The following SLC4A11 variants were observed in gnomAD, a reference collection of about 807,000 sequenced individuals.
The protein encoded by SLC4A11 is bicarbonate transporter related protein 1.
SLC4A11 carries 74 observed loss-of-function variants against 95.0 expected under a neutral mutation model. The ratio of observed to expected loss-of-function variants is 0.78; its 90% confidence interval spans 0.65 to 0.95. SLC4A11 has a LOEUF of 0.95. Among genes scored for constraint, SLC4A11 ranks in the 40% least tolerant of loss-of-function variants. The pLI is 0.00. For missense variants in SLC4A11, 1,081 were observed against 1,192.4 expected (o/e 0.91, Z 1.38); for synonymous variants, 548 against 519.0 (o/e 1.06, Z -0.76).
Position 3,227,819 on chromosome 20 carries a change from AG to A in SLC4A11, c.2595del (p.Leu866TrpfsTer94), listed in dbSNP as rs1380438984. 6.2e-7 allele frequency: 1 copy of A among 1,613,196 alleles called. No individual in the cohort carries two copies. Among genetic ancestry groups the A allele is most frequent in the East Asian group, 2.2e-5 (1 of 44,870 alleles). ...CTGTGCTCAGCGTCCATGACATCCA[AG>A]TACTTGGCTTCAATGATTCGGGGCA... ...ILLPRIIEAKYLDVMDAEHRP is the reference protein window; with the variant it reads ...ILLPRIIEAKXLDVMDAEHRP On this transcript the variant is annotated frameshift_variant, in exon 20 of 20. Transcript: ENST00000642402. LOFTEE classifies it high-confidence loss of function.
chr20:3,239,212 G>C (rs996785100), upstream of SLC4A11: 24 of 1,330,078 alleles, frequency 1.8e-5, no homozygotes, highest in Admixed American at 3.9e-5. Flanking sequence ...TCGGCGACTC[G>C]GGCGGGCCGG....
rs886056632 is a variant in SLC4A11 at position 3,229,190 on chromosome 20, G to C, written c.1923C>G (p.Ala641=). The C allele has an allele frequency of 1.9e-6, 3 of 1,612,630 alleles. No individual in the cohort carries two copies. The highest frequency in any genetic ancestry group is 1.1e-5 in the South Asian group (1 of 91,074). Residue 641 remains alanine, a synonymous_variant, in exon 16 of 20, where the codon GCC becomes GCG. Transcript: ENST00000642402. ...MAQIQSLSLR[A]VSGAMGLGFL... Reference sequence around the variant, plus strand: ...AGCCGAGGCCCATGGCACCGCTGACGGCCCTCAGGGACAGCGACTGGATCT... The same window carrying C: ...AGCCGAGGCCCATGGCACCGCTGACCGCCCTCAGGGACAGCGACTGGATCT...
In SLC4A11 at chr20:3,234,708, T is replaced by A; in HGVS notation, c.241+34A>T. 1 of 1,613,792 alleles carries A rather than the reference T, an allele frequency of 6.2e-7. No individual in the cohort carries two copies. The highest frequency in any genetic ancestry group is 1.1e-5 in the South Asian group (1 of 91,072). ...AGTCACACCTGCCCAGTCCCGTGCC[T>A]TCCCCCAGTCTGCCCCTGCTGCAGC... On this transcript the variant is annotated intron_variant, in intron 3 of 19. Transcript: ENST00000642402. This position sits in a 1 kb window ranked among gnomAD's most constrained non-coding sequence, Gnocchi z 5.8.
rs915911162 is a variant in SLC4A11 at position 3,234,025 on chromosome 20, G to T, written c.524-23C>A. On this transcript the variant is annotated intron_variant, in intron 5 of 19. Transcript: ENST00000642402. The surrounding 1 kb of genome is among the most constrained non-coding windows in gnomAD (Gnocchi z 5.8). ...GGACTGAGGAAAGAGTGAGGGGGAGGGTGGTGGGTCAACAGCCCCTCCCAA... is the reference window on the plus strand; with the variant it reads ...GGACTGAGGAAAGAGTGAGGGGGAGTGTGGTGGGTCAACAGCCCCTCCCAA... The T allele has an allele frequency of 6.2e-7, 1 of 1,613,722 alleles. No homozygotes were observed. The highest frequency in any genetic ancestry group is 8.5e-7 in the Non-Finnish European group (1 of 1,179,928).
intron 19 of SLC4A11, 72 bp from the exon 20 acceptor site, chr20:3,227,928 C>T (rs114972331): frequency 1.4e-6 from 2 of 1,423,730 alleles, no homozygotes; most frequent in African/African-American, 2.9e-5. Flanking sequence ...CCCAGCCCAC[C>T]CCAGCCCACC....
chr20:3,231,815 G>C lies in SLC4A11; in HGVS notation c.730-267C>G, dbSNP rs1367535610. 6.6e-6 allele frequency among the ~76,000 whole-genome samples: 1 copy of C among 152,062 alleles called. No homozygotes were observed. The highest frequency in any genetic ancestry group is 1.9e-4 in the East Asian group (1 of 5,178). On this transcript the variant is annotated intron_variant, in intron 7 of 19. Transcript: ENST00000642402. This position sits in a 1 kb window ranked among gnomAD's most constrained non-coding sequence, Gnocchi z 5.2. ...CCACAGGCACGCACCACCATGCCAG[G>C]CAATTTTTAATTTTTAACTTTTTGT...
At chr20:3,230,892 C>T (rs200098675) in intron 10 of SLC4A11, 41 bp downstream of exon 10, 1 of 1,613,356 alleles carries the variant, frequency 6.2e-7, no homozygotes, top group Admixed American at 1.7e-5. Context: ...CAGGGCCCAG[C>T]CCAGCATACC....
At position 3,228,521 on chromosome 20, in the gene SLC4A11, G is replaced by C. The variant is rs769563047; in HGVS notation, c.2379C>G (p.Leu793=). The part of the protein sequence containing the change: ...NQLVQRVALL[L]KEQTAYPPTH... ...AGGGCCAAGCGCTCACCTGCTCCTT[G>C]AGCAGCAGGGCCACGCGCTGGACGA... is the stretch of plus-strand genomic sequence containing the variant. Residue 793 remains leucine, a synonymous_variant, in exon 18 of 20, where the codon CTC becomes CTG. Transcript: ENST00000642402. The C allele has an allele frequency of 6.2e-7, 1 of 1,613,066 alleles. No homozygotes were observed. The highest frequency in any genetic ancestry group is 2.2e-5 in the East Asian group (1 of 44,882).
intron 17 of SLC4A11, 23 bp from the exon 18 acceptor site, chr20:3,228,730 T>C (rs2067633707): frequency 6.2e-7 from 1 of 1,612,400 alleles, no homozygotes. Context: ...GAGCCGCGAG[T>C]GTCACCTCTG....
At position 3,233,377 on chromosome 20, in the gene SLC4A11, A is replaced by G. The variant is rs1013803612; in HGVS notation, c.729+137T>C. On this transcript the variant is annotated intron_variant, in intron 7 of 19. Transcript: ENST00000642402. ...CCGGGCCTAGCAACATGTTTCTGAC[A>G]CACCCACAGGGCCGAGGCGAAGGGG... 3.1e-6 allele frequency: 4 copies of G among 1,294,840 alleles called. No individual in the cohort carries two copies. In the African/African-American group the frequency reaches 5.8e-5, roughly 19 times the overall value. The allele number at this position is 1,294,840 out of a possible 1,614,324, so 80.2% of individuals were successfully genotyped here.
rs748982103 is a variant in SLC4A11 at position 3,233,971 on chromosome 20, G to C, written c.555C>G (p.Val185=). The C allele has an allele frequency of 7.4e-6, 12 of 1,613,806 alleles. No individual in the cohort carries two copies. In the Admixed American group the frequency reaches 1.2e-4, roughly 16 times the overall value. Residue 185 remains valine, a synonymous_variant, in exon 6 of 20, where the codon GTC becomes GTG. Coordinates refer to ENST00000642402, the MANE Select transcript of SLC4A11 (RefSeq NM_001174089.2). ...ACCGCACCCCTGTCACTGTGGCGGT[G>C]ACCCCTTGGATGGTATCTGACAGCA... ...VHLLSDTIQG[V]TATVTGVRYQ...
Position 3,233,624 on chromosome 20 carries a change from C to T in SLC4A11, c.619G>A (p.Ala207Thr). Reference sequence around the variant, plus strand: ...ATGCACACGTGCCGCTTCTGTAGGGCCTTCATGGTACAGCTGGCAGGGGCG... The same window carrying T: ...ATGCACACGTGCCGCTTCTGTAGGGTCTTCATGGTACAGCTGGCAGGGGCG... ...SWLCIICTMK[A>T]LQKRHVCISR... Residue 207 changes from alanine to threonine, a missense_variant, in exon 7 of 20, where the codon GCC becomes ACC. Ala to Thr is a moderately conservative substitution (Grantham distance 58). This residue lies in a region of SLC4A11 where 310 missense variants were observed against 313.5 expected (regional missense o/e 0.99). Coordinates refer to ENST00000642402, the MANE Select transcript of SLC4A11 (RefSeq NM_001174089.2). 6.2e-7 allele frequency: 1 copy of T among 1,613,034 alleles called. No homozygotes were observed. The highest frequency in any genetic ancestry group is 8.5e-7 in the Non-Finnish European group (1 of 1,179,988).
At chr20:3,236,667 C>T (rs1392664144) in intron 2 of SLC4A11, among the ~76,000 whole-genome samples, 2 of 152,114 alleles carry the variant, frequency 1.3e-5, no homozygotes, top group Non-Finnish European at 2.9e-5. Flanking sequence ...CCTTCCTCCC[C>T]GGGTCAGGCT....
At position 3,230,205 on chromosome 20, in the gene SLC4A11, C is replaced by G; in HGVS notation, c.1471G>C (p.Val491Leu). Residue 491 changes from valine (V) to leucine (L), a missense_variant, in exon 13 of 20, where the codon GTC becomes CTC. By Grantham distance (32) the Val-to-Leu change is conservative (BLOSUM62 1). Transcript: ENST00000642402. Reference sequence around the variant, plus strand: ...CACTCACTTTTAACCGTGCCCTTGACGGCATCCAGCACAAACGTGATGGAA... The same window carrying G: ...CACTCACTTTTAACCGTGCCCTTGAGGGCATCCAGCACAAACGTGATGGAA... ...FISITFVLDAVKGTVKIFWKY... is the reference protein window; with the variant it reads ...FISITFVLDALKGTVKIFWKY... The G allele has an allele frequency of 6.2e-7, 1 of 1,613,582 alleles. No homozygotes were observed. Among genetic ancestry groups the G allele is most frequent in the South Asian group, 1.1e-5 (1 of 91,090 alleles).
In SLC4A11 at chr20:3,239,165, T is replaced by A; in HGVS notation, c.-28A>T. 6.9e-7 allele frequency: 1 copy of A among 1,442,054 alleles called. No individual in the cohort carries two copies. The highest frequency in any genetic ancestry group is 9.1e-7 in the Non-Finnish European group (1 of 1,098,692). 89.3% of individuals were successfully genotyped at this position (1,442,054 alleles called of 1,614,324 possible). Reference sequence around the variant, plus strand: ...CACACTCGCGCACTCACGGCCGGGCTCCTCACGCGGCGCTCCGGCGCTTCT... The same window carrying A: ...CACACTCGCGCACTCACGGCCGGGCACCTCACGCGGCGCTCCGGCGCTTCT... On this transcript the variant is annotated 5_prime_UTR_variant, in exon 1 of 20. Transcript: ENST00000642402.
rs2067909910 is a variant in SLC4A11 at position 3,234,690 on chromosome 20, C to T, written c.241+52G>A. On this transcript the variant is annotated intron_variant, in intron 3 of 19. Coordinates refer to ENST00000642402, the MANE Select transcript of SLC4A11 (RefSeq NM_001174089.2). The surrounding 1 kb of genome is among the most constrained non-coding windows in gnomAD (Gnocchi z 5.8). The stretch of plus-strand genomic sequence containing the variant: ...GTCTTTCTTAGTAAGGCGAGTCACA[C>T]CTGCCCAGTCCCGTGCCTTCCCCCA... 1 of 1,613,890 alleles carries T rather than the reference C, an allele frequency of 6.2e-7. No homozygotes were observed. The highest frequency in any genetic ancestry group is 1.1e-5 in the South Asian group (1 of 91,080).
In SLC4A11 at chr20:3,230,257, C is replaced by T. The variant is rs149866580; in HGVS notation, c.1419G>A (p.Ser473=). Residue 473 remains serine (S), a synonymous_variant, in exon 13 of 20, where the codon TCG becomes TCA. Coordinates refer to ENST00000642402, the MANE Select transcript of SLC4A11 (RefSeq NM_001174089.2). ...LSLVMSLFKR[S]TEEIIALFIS... ...TGAAGAGGGCGATGATCTCCTCCGT[C>T]GACCTGCCAGGAGGCCATGAGCCTC... is the stretch of plus-strand genomic sequence containing the variant. The T allele has an allele frequency of 4.4e-4, 702 of 1,613,478 alleles. 6 individuals are homozygous for T. In the South Asian group the frequency reaches 5.7e-3, roughly 13 times the overall value.
chr20:3,230,183 T>C lies in SLC4A11; in HGVS notation c.1489+4A>G. On this transcript the variant is annotated splice_donor_region_variant and intron_variant, in intron 13 of 19. Coordinates refer to ENST00000642402, the MANE Select transcript of SLC4A11 (RefSeq NM_001174089.2). ...TTCAGCAGGTGGCCCCCAGCCGCAC[T>C]CACTTTTAACCGTGCCCTTGACGGC... is the stretch of plus-strand genomic sequence containing the variant. 1 of 1,613,466 alleles carries C rather than the reference T, an allele frequency of 6.2e-7. No individual in the cohort carries two copies. Among genetic ancestry groups the C allele is most frequent in the South Asian group, 1.1e-5 (1 of 91,086 alleles).
At chr20:3,227,921 AG>A in intron 19 of SLC4A11, 65 bp from the exon 20 acceptor site, 1 of 1,166,246 alleles carries the variant, frequency 8.6e-7, no homozygotes, top group Non-Finnish European at 1.1e-6. Context: ...CACCCATCCC[AG>A]CCCACCCCAG....
Sources: gnomAD v4.1 joint callset for allele counts (sites outside exome capture counted in the v4.1 genomes callset) on GRCh38, gnomAD v4.1.1 for gene constraint, gnomAD v4.1.1 regional missense constraint, Gnocchi (gnomAD v3.1) non-coding constraint, MANE v1.5 for transcripts, NCBI Gene and HGNC (gene_info 2026-07-23, HGNC 2026-07-21) for gene names.